The following KIFAP3 variants were observed in gnomAD, a reference collection of about 807,000 sequenced individuals.
KIFAP3 encodes the protein kinesin-associated protein 3.
A neutral mutation model predicts 106.5 loss-of-function variants in KIFAP3; 68 were observed. The ratio of observed to expected loss-of-function variants is 0.64; its 90% confidence interval spans 0.53 to 0.78. The LOEUF (loss-of-function observed/expected upper bound fraction) is 0.78, where lower values mean the gene tolerates loss of function less well. Ranked by LOEUF, KIFAP3 falls within the 30% of genes least tolerant of loss-of-function variation. The pLI, the probability that KIFAP3 is intolerant of heterozygous loss-of-function variation, is 0.00. For missense variants in KIFAP3, 780 were observed against 941.8 expected (o/e 0.83, Z 2.25); for synonymous variants, 320 against 311.5 (o/e 1.03, Z -0.29).
At chr1:170,029,917 T>G (rs1009793958) in intron 8 of KIFAP3, among the ~76,000 whole-genome samples, 1 of 151,988 alleles carries the variant, frequency 6.6e-6, no homozygotes. Flanking sequence ...AATTAGCTAT[T>G]TATATGCAAA....
intron 1 of KIFAP3, among the ~76,000 whole-genome samples, chr1:170,080,077 A>G (rs1256720384): frequency 6.6e-6 from 1 of 152,128 alleles, no homozygotes; most frequent in East Asian, 1.9e-4. Flanking sequence ...TAGTAATATC[A>G]TAGAATATAA....
At chr1:170,005,281 T>C (rs151032917) in intron 10 of KIFAP3, among the ~76,000 whole-genome samples, 15,861 of 152,188 alleles carry the variant, frequency 0.1, 988 homozygotes, top group East Asian at 0.19. Flanking sequence ...AGTTCAACCA[T>C]TGTGGAAGAC....
chr1:170,056,844 G>A (rs1370010536), intron 1 of KIFAP3, among the ~76,000 whole-genome samples: 1 of 151,990 alleles, frequency 6.6e-6, no homozygotes, highest in East Asian at 1.9e-4. Context: ...CTGATAGTAA[G>A]ACATATAGGA....
intron 19 of KIFAP3, among the ~76,000 whole-genome samples, chr1:169,931,496 T>C (rs925703826): frequency 1.3e-5 from 2 of 152,194 alleles, no homozygotes; most frequent in African/African-American, 4.8e-5. Flanking sequence ...TTAATGAAGG[T>C]ATGCCATCTA....
chr1:170,057,824 C>G (rs1363812687), intron 1 of KIFAP3, among the ~76,000 whole-genome samples: 2 of 152,060 alleles, frequency 1.3e-5, no homozygotes, highest in Non-Finnish European at 2.9e-5. Context: ...CATACTATGA[C>G]ACTGATATTA....
chr1:170,074,666 G>A lies in KIFAP3; in HGVS notation c.-199C>T. ...CACAGCTTCTGTGCCCCAAAACACT[G>A]GAGCGGCCCAGACCCGCCCAGAGTC... On this transcript the variant is annotated 5_prime_UTR_variant, in exon 1 of 20. Coordinates refer to ENST00000361580, the MANE Select transcript of KIFAP3 (RefSeq NM_014970.4). 1 of 1,448,928 alleles carries A rather than the reference G, an allele frequency of 6.9e-7. No individual in the cohort carries two copies. Among genetic ancestry groups the A allele is most frequent in the South Asian group, 1.4e-5 (1 of 71,690 alleles). The allele number at this position is 1,448,928 out of a possible 1,614,324, so 89.8% of individuals were successfully genotyped here. A position where few individuals can be genotyped will look rare whatever the true frequency, so the allele number is the denominator to read the frequency against.
intron 11 of KIFAP3, among the ~76,000 whole-genome samples, chr1:169,986,543 A>G (rs1376029901): frequency 6.6e-6 from 1 of 152,036 alleles, no homozygotes; most frequent in South Asian, 2.1e-4. Context: ...TTCAAGGGCA[A>G]AAGTAAAATA....
At chr1:170,035,670 A>G (rs1669654363) in intron 5 of KIFAP3, 117 bp from the exon 6 acceptor site, 1 of 568,970 alleles carries the variant, frequency 1.8e-6, no homozygotes, top group African/African-American at 1.9e-5. Context: ...ACTGGGACAA[A>G]AAGTAGGATG....
At chr1:169,929,981 C>T (rs1663374498) in intron 19 of KIFAP3, among the ~76,000 whole-genome samples, 1 of 152,102 alleles carries the variant, frequency 6.6e-6, no homozygotes, top group Admixed American at 6.5e-5. Flanking sequence ...AAAATAGTTG[C>T]ACTGATTTAT....
At chr1:170,062,000 CTG>C (rs988758710) in intron 1 of KIFAP3, among the ~76,000 whole-genome samples, 4 of 151,956 alleles carry the variant, frequency 2.6e-5, no homozygotes, top group African/African-American at 9.7e-5. Context: ...ACATCACACA[CTG>C]GGGCCTGTCA....
intron 1 of KIFAP3, chr1:170,068,095 TTTC>T (rs1235992973): frequency 6.6e-6 from 1 of 152,214 alleles, no homozygotes; most frequent in Non-Finnish European, 1.5e-5. Flanking sequence ...AGAGTATTTT[TTTC>T]TTTTCTTTTT....
chr1:169,928,853 A>G (rs1663302253), intron 19 of KIFAP3, among the ~76,000 whole-genome samples: 1 of 152,106 alleles, frequency 6.6e-6, no homozygotes. Flanking sequence ...GATATGCTTC[A>G]TCAAATAACT....
chr1:169,942,524 A>T (rs563734346), intron 19 of KIFAP3, among the ~76,000 whole-genome samples: 111 of 152,388 alleles, frequency 7.3e-4, no homozygotes, highest in African/African-American at 2.6e-3. Context: ...AAACAAGATT[A>T]AACTGATTGT....
chr1:170,016,614 T>C lies in KIFAP3; in HGVS notation c.1031A>G (p.Asp344Gly). ...CATTTTCACCAGTTTTTCAACAATA[T>C]CCATTTCCACCTAAGTAAAATAATA... Reference protein sequence around the residue: ...MENKNDMVEMDIVEKLVKMIP... With the variant: ...MENKNDMVEMGIVEKLVKMIP... The change falls in exon 10 of 20, where the codon GAT becomes GGT. Residue 344 changes from aspartate to glycine, a missense_variant. Around this residue, in one of 3 missense-constraint regions of KIFAP3, gnomAD observed 588 missense variants for 678.9 expected, o/e 0.87. Coordinates refer to ENST00000361580, the MANE Select transcript of KIFAP3 (RefSeq NM_014970.4). 1 of 1,581,970 alleles carries C rather than the reference T, an allele frequency of 6.3e-7. No individual in the cohort carries two copies.
intron 10 of KIFAP3, among the ~76,000 whole-genome samples, chr1:170,013,736 A>T (rs1668367333): frequency 2.0e-5 from 3 of 152,116 alleles, no homozygotes; most frequent in African/African-American, 7.2e-5. Context: ...TTTCAGGATC[A>T]ATTTTCTTGC....
At chr1:169,938,594 C>A (rs1264725274) in intron 19 of KIFAP3, among the ~76,000 whole-genome samples, 1 of 152,046 alleles carries the variant, frequency 6.6e-6, no homozygotes, top group Non-Finnish European at 1.5e-5. Context: ...TTCTATTAAA[C>A]AAACGTCTAT....
chr1:170,036,210 G>A (rs1476663261), intron 5 of KIFAP3, among the ~76,000 whole-genome samples: 1 of 151,938 alleles, frequency 6.6e-6, no homozygotes, highest in Admixed American at 6.6e-5. Flanking sequence ...TTCAAATCAG[G>A]TTGGTACATG....
intron 17 of KIFAP3, among the ~76,000 whole-genome samples, chr1:169,971,499 C>T (rs954282102): frequency 2.0e-5 from 3 of 151,580 alleles, no homozygotes; most frequent in Admixed American, 6.6e-5. Flanking sequence ...AAAATGTCAA[C>T]GTATCCATTT....
upstream of KIFAP3, among the ~76,000 whole-genome samples, chr1:170,075,071 C>A (rs1041408947): frequency 6.6e-6 from 1 of 152,186 alleles, no homozygotes; most frequent in African/African-American, 2.4e-5. Flanking sequence ...TTGAAGGCGG[C>A]AAGTCTGTCA....
Sources: allele counts gnomAD v4.1 joint callset (sites outside exome capture counted in the v4.1 genomes callset), GRCh38; gene constraint gnomAD v4.1.1; regional missense constraint gnomAD v4.1.1; transcripts MANE v1.5; gene names NCBI Gene and HGNC (gene_info 2026-07-23, HGNC 2026-07-21).